Variants in IFI16 observed in about 807,000 individuals in gnomAD.
IFI16 encodes interferon gamma inducible protein 16, also known as gamma-interferon-inducible protein 16.
Under a neutral mutation model 68.4 loss-of-function variants are expected in IFI16, and 49 were observed. That is an observed-to-expected ratio of 0.72 (90% CI 0.57 to 0.91). The LOEUF is 0.91. Among genes scored for constraint, IFI16 ranks in the 40% least tolerant of loss-of-function variants. The pLI, the probability that IFI16 is intolerant of heterozygous loss-of-function variation, is 0.00. For missense variants in IFI16, 878 were observed against 942.9 expected (o/e 0.93, Z 0.90); for synonymous variants, 307 against 315.0 (o/e 0.97, Z 0.27).
chr1:159,050,813 A>C (rs1655310384), intron 9 of IFI16, among the ~76,000 whole-genome samples: 1 of 152,246 alleles, frequency 6.6e-6, no homozygotes, highest in East Asian at 1.9e-4. Flanking sequence ...GCCATTATTC[A>C]GATTGGAGAG....
chr1:159,001,277 A>T (rs1652047576), upstream of IFI16, among the ~76,000 whole-genome samples: 1 of 152,198 alleles, frequency 6.6e-6, no homozygotes, highest in African/African-American at 2.4e-5. Flanking sequence ...TTTACTTTAA[A>T]AGTAGCAACC....
At chr1:159,054,676 A>T in intron 11 of IFI16, 145 bp from the exon 12 acceptor site, 1 of 543,032 alleles carries the variant, frequency 1.8e-6, no homozygotes, top group Non-Finnish European at 3.4e-6. Context: ...ATTAAGGGAG[A>T]TAGATGAGAG....
intron 6 of IFI16, among the ~76,000 whole-genome samples, chr1:159,021,251 T>G (rs1216479485): frequency 6.6e-6 from 1 of 151,876 alleles, no homozygotes; most frequent in Non-Finnish European, 1.5e-5. Context: ...CTCACCCCCC[T>G]CCCACTCTTT....
intron 7 of IFI16, among the ~76,000 whole-genome samples, chr1:159,043,064 G>A (rs2101902967): frequency 6.6e-6 from 1 of 152,338 alleles, no homozygotes; most frequent in East Asian, 1.9e-4. Context: ...ACACATGTCA[G>A]TTGAGGACAG....
In IFI16 at chr1:159,015,868, C is replaced by A. The variant is rs761142424; in HGVS notation, c.266-4C>A. The stretch of plus-strand genomic sequence containing the variant: ...GGTTGGGAATAAAATTGAATCTATT[C>A]CAGTAAAAGGACCAGCCCTATCAAG... On this transcript the variant is annotated splice_region_variant and splice_polypyrimidine_tract_variant and intron_variant, in intron 2 of 11. Coordinates refer to ENST00000295809, the MANE Select transcript of IFI16 (RefSeq NM_001376587.1). 4.4e-6 allele frequency: 7 copies of A among 1,596,696 alleles called. No individual in the cohort carries two copies. The African/African-American group carries it at 6.7e-5, about 15-fold the overall frequency.
At chr1:159,036,145 G>T (rs72709521) in intron 7 of IFI16, among the ~76,000 whole-genome samples, 5,592 of 152,222 alleles carry the variant, frequency 0.037, 116 homozygotes, top group Non-Finnish European at 0.046. Context: ...ACATAAATCG[G>T]ATTTCTACTT....
intron 7 of IFI16, among the ~76,000 whole-genome samples, chr1:159,044,826 A>G (rs2999937): frequency 2.4e-4 from 36 of 152,168 alleles, no homozygotes; most frequent in Non-Finnish European, 4.4e-4. Flanking sequence ...GAATCTTCTT[A>G]TTATGGCTAT....
At chr1:159,004,685 C>T (rs370498006), upstream of IFI16, among the ~76,000 whole-genome samples, 3 of 151,946 alleles carry the variant, frequency 2.0e-5, no homozygotes, top group East Asian at 1.9e-4. Flanking sequence ...AGCAAGACTC[C>T]GTCTCAAAAG....
At chr1:159,034,243 G>A (rs549242943) in intron 7 of IFI16, among the ~76,000 whole-genome samples, 11 of 152,296 alleles carry the variant, frequency 7.2e-5, no homozygotes, top group South Asian at 6.2e-4. Flanking sequence ...CTGCAGGAAA[G>A]AGAAAGAGTA....
chr1:159,046,624 A>T (rs563410258), intron 8 of IFI16, among the ~76,000 whole-genome samples: 1 of 151,072 alleles, frequency 6.6e-6, no homozygotes, highest in East Asian at 1.9e-4. Context: ...CTCACCATAC[A>T]TCAGAGGTTA....
chr1:159,021,811 G>A (rs1653336724), intron 6 of IFI16, among the ~76,000 whole-genome samples: 1 of 152,030 alleles, frequency 6.6e-6, no homozygotes, highest in Admixed American at 6.5e-5. Context: ...GAGTAATGTG[G>A]CATCATTTTG....
At chr1:159,003,337 C>A (rs1451579709), upstream of IFI16, among the ~76,000 whole-genome samples, 1 of 152,166 alleles carries the variant, frequency 6.6e-6, no homozygotes, top group Non-Finnish European at 1.5e-5. Flanking sequence ...TCTATTTAGA[C>A]AATAGATGTA....
At chr1:159,014,986 C>G (rs1315537517) in intron 2 of IFI16, 41 bp downstream of exon 2, 2 of 1,531,326 alleles carry the variant, frequency 1.3e-6, no homozygotes, top group Admixed American at 2.0e-5. Flanking sequence ...GCAACCATCC[C>G]CAAACCCTCC....
intron 6 of IFI16, among the ~76,000 whole-genome samples, chr1:159,028,904 G>A (rs116160019): frequency 0.012 from 1,858 of 152,214 alleles, 31 homozygotes; most frequent in African/African-American, 0.042. Flanking sequence ...GTCTCTTAAA[G>A]ACAGTAAACA....
intron 6 of IFI16, among the ~76,000 whole-genome samples, chr1:159,024,811 A>G (rs1571853591): frequency 6.6e-6 from 1 of 152,190 alleles, no homozygotes; most frequent in Non-Finnish European, 1.5e-5. Context: ...AAAAATATAT[A>G]AAAGATGTAT....
In IFI16 at chr1:159,055,057, A is replaced by C; in HGVS notation, c.*156A>C. 2.4e-6 allele frequency: 1 copy of C among 409,224 alleles called. No individual in the cohort carries two copies. Among genetic ancestry groups the C allele is most frequent in the Non-Finnish European group, 4.5e-6 (1 of 223,894 alleles). The allele number at this position is 409,224 out of a possible 1,614,324, so 25.3% of individuals were successfully genotyped here. The stretch of plus-strand genomic sequence containing the variant: ...AATGGGGTATTGGGAGTGCTTTTTT[A>C]ATTTTTCATAGTTTTTTTTTAATAA... On this transcript the variant is annotated 3_prime_UTR_variant, in exon 12 of 12. Coordinates refer to ENST00000295809, the MANE Select transcript of IFI16 (RefSeq NM_001376587.1).
intron 6 of IFI16, among the ~76,000 whole-genome samples, chr1:159,024,321 G>C (rs1043772042): frequency 6.6e-6 from 1 of 152,100 alleles, no homozygotes; most frequent in Non-Finnish European, 1.5e-5. Flanking sequence ...AAACACCTAG[G>C]GGGTCTTTTT....
At position 159,054,882 on chromosome 1, in the gene IFI16, C is replaced by T. The variant is rs1363028053; in HGVS notation, c.2339C>T (p.Ser780Leu). The change falls in exon 12 of 12, where the codon TCA (serine) becomes TTA (leucine). Residue 780 changes from serine to leucine, a missense_variant. Around this residue, in one of 4 missense-constraint regions of IFI16, gnomAD observed 311 missense variants for 305.1 expected, o/e 1.02. Coordinates refer to ENST00000295809, the MANE Select transcript of IFI16 (RefSeq NM_001376587.1). ...ILNPDSSMET[S>L]PDFFF Reference sequence around the variant, plus strand: ...AATCCTGATTCAAGTATGGAAACTTCACCAGACTTTTTCTTCTAAAATCTG... The same window carrying T: ...AATCCTGATTCAAGTATGGAAACTTTACCAGACTTTTTCTTCTAAAATCTG... 1.9e-6 allele frequency: 3 copies of T among 1,593,272 alleles called. No homozygotes were observed. Among genetic ancestry groups the T allele is most frequent in the Middle Eastern group, 1.7e-4 (1 of 5,820 alleles).
chr1:159,035,464 T>C (rs1654266001), intron 7 of IFI16, among the ~76,000 whole-genome samples: 1 of 152,242 alleles, frequency 6.6e-6, no homozygotes, highest in Non-Finnish European at 1.5e-5. Context: ...TCACAACCCT[T>C]GCTACAGCTG....
Sources: gnomAD v4.1 joint callset for allele counts (sites outside exome capture counted in the v4.1 genomes callset) on GRCh38, gnomAD v4.1.1 for gene constraint, gnomAD v4.1.1 regional missense constraint, MANE v1.5 for transcripts, NCBI Gene and HGNC (gene_info 2026-07-23, HGNC 2026-07-21) for gene names.